The following NFKB1 variants were observed in gnomAD, a reference collection of about 807,000 sequenced individuals.
NFKB1 encodes nuclear factor kappa B subunit 1, also known as nuclear factor NF-kappa-B p105 subunit.
Under a neutral mutation model 105.1 loss-of-function variants are expected in NFKB1, and 9 were observed. The ratio of observed to expected loss-of-function variants is 0.09; its 90% CI spans 0.05 to 0.15. The LOEUF (loss-of-function observed/expected upper bound fraction) is 0.15, where lower values mean the gene tolerates loss of function less well. NFKB1 is among the 10% of genes least tolerant of loss of function. The pLI, the probability that NFKB1 is intolerant of heterozygous loss-of-function variation, is 1.00. For synonymous variants in NFKB1, 440 were observed against 442.2 expected (o/e 1.00, Z 0.06); for missense variants, 830 against 1,203.7 (o/e 0.69, Z 4.59).
intron 5 of NFKB1, among the ~76,000 whole-genome samples, chr4:102,548,361 G>A (rs1722298938): frequency 2.6e-5 from 4 of 152,102 alleles, no homozygotes. Context: ...ATATGTAGCT[G>A]GCCCATGGGG....
chr4:102,584,829 GT>G lies in NFKB1; in HGVS notation c.1066+11del. On this transcript the variant is annotated intron_variant, in intron 11 of 23. Transcript: ENST00000226574. ...CTATCCTGAAATCAAAGGTAAGTCA[GT>G]TGTTTAAAATCTTATGCTCATATTT... 1 of 1,586,298 alleles carries G rather than the reference GT, an allele frequency of 6.3e-7. No homozygotes were observed. The highest frequency in any genetic ancestry group is 8.5e-7 in the Non-Finnish European group (1 of 1,171,506).
intron 5 of NFKB1, among the ~76,000 whole-genome samples, chr4:102,551,366 G>GCGCGCA (rs1553931271): frequency 4.6e-5 from 2 of 43,284 alleles, no homozygotes; most frequent in South Asian, 8.8e-4. Context: ...GTGTGTGTGT[G>GCGCGCA]TGCGCGCGCG....
At position 102,607,133 on chromosome 4, in the gene NFKB1, C is replaced by T; in HGVS notation, c.1955-17C>T. 6.2e-7 allele frequency: 1 copy of T among 1,614,048 alleles called. No individual in the cohort carries two copies. Among genetic ancestry groups the T allele is most frequent in the Non-Finnish European group, 8.5e-7 (1 of 1,179,942 alleles). ...TAGCCATCCCATCCTGTGACTGTCC[C>T]TTTGCTTGGACTCTAGGTCTGAATG... On this transcript the variant is annotated splice_polypyrimidine_tract_variant and intron_variant, in intron 17 of 23. Transcript: ENST00000226574.
Position 102,593,547 on chromosome 4 carries a change from G to A in NFKB1, c.1189G>A (p.Gly397Ser). 6.2e-7 allele frequency: 1 copy of A among 1,613,582 alleles called. No homozygotes were observed. The highest frequency in any genetic ancestry group is 8.5e-7 in the Non-Finnish European group (1 of 1,179,652). ...GMFGSGGGGG[G>S]TGSTGPGYSF... is the part of the protein sequence containing the mutation. ...GTTTGGTAGTGGCGGTGGAGGAGGG[G>A]GCACTGGAAGTACAGGTCCAGGTAC... The change falls in exon 12 of 24, where the codon GGC becomes AGC. Residue 397 changes from glycine (G) to serine (S), a missense_variant. Physicochemically the swap from Gly to Ser is moderately conservative, Grantham distance 56. Transcript: ENST00000226574.
chr4:102,600,747 C>G (rs186796230), intron 15 of NFKB1, 148 bp from the exon 16 acceptor site: 11 of 633,208 alleles, frequency 1.7e-5, no homozygotes, highest in Middle Eastern at 4.2e-4. Context: ...ACCTCAGATT[C>G]AATGCATTTT....
intron 12 of NFKB1, 35 bp downstream of exon 12, chr4:102,593,603 A>T: frequency 1.3e-6 from 2 of 1,588,526 alleles, no homozygotes; most frequent in Non-Finnish European, 1.7e-6. Context: ...AAACTTTTTC[A>T]TATTGGAGAG....
At chr4:102,610,744 A>G (rs1414306365) in intron 20 of NFKB1, 45 bp downstream of exon 20, 1 of 1,607,486 alleles carries the variant, frequency 6.2e-7, no homozygotes. Flanking sequence ...TGAGGGAGTC[A>G]GAGGTTCAGG....
chr4:102,556,207 A>G (rs1722977420), intron 5 of NFKB1, among the ~76,000 whole-genome samples: 1 of 152,116 alleles, frequency 6.6e-6, no homozygotes, highest in South Asian at 2.1e-4. Flanking sequence ...AAGAAAGGTG[A>G]TTAGTTCAGT....
chr4:102,516,830 T>C (rs1363099162), intron 1 of NFKB1, among the ~76,000 whole-genome samples: 2 of 152,218 alleles, frequency 1.3e-5, no homozygotes, highest in Non-Finnish European at 1.5e-5. Flanking sequence ...GCAGTGAATT[T>C]ACTGGTGGAT....
At chr4:102,515,352 C>T (rs975059665) in intron 1 of NFKB1, among the ~76,000 whole-genome samples, 34 of 151,598 alleles carry the variant, frequency 2.2e-4, no homozygotes, top group Admixed American at 1.0e-3. Context: ...CCTCGTGATC[C>T]GCCCGCCTCG....
At chr4:102,517,600 C>T (rs928852493) in intron 1 of NFKB1, among the ~76,000 whole-genome samples, 6 of 152,130 alleles carry the variant, frequency 3.9e-5, no homozygotes, top group African/African-American at 1.4e-4. Flanking sequence ...TGCAGTAAAA[C>T]TATGCTGTCT....
At chr4:102,582,460 A>G (rs1022687519) in intron 9 of NFKB1, among the ~76,000 whole-genome samples, 1 of 152,234 alleles carries the variant, frequency 6.6e-6, no homozygotes, top group Non-Finnish European at 1.5e-5. Context: ...AGCATCTGCC[A>G]TACATTAATA....
chr4:102,516,237 T>G (rs900777248), intron 1 of NFKB1, among the ~76,000 whole-genome samples: 6 of 152,120 alleles, frequency 3.9e-5, no homozygotes, highest in African/African-American at 1.4e-4. Flanking sequence ...AACCATGGTT[T>G]TATTTGTCTT....
intron 11 of NFKB1, among the ~76,000 whole-genome samples, chr4:102,588,615 A>G (rs891754547): frequency 6.6e-6 from 1 of 152,316 alleles, no homozygotes; most frequent in African/African-American, 2.4e-5. Flanking sequence ...TTTAAGGCAC[A>G]TGCACAGAAA....
chr4:102,537,444 G>A (rs953718599), intron 4 of NFKB1: 18 of 154,066 alleles, frequency 1.2e-4, no homozygotes, highest in Non-Finnish European at 2.2e-4. Flanking sequence ...ATAAAGGAAT[G>A]TCTTTAAGTA....
At chr4:102,517,003 T>C (rs1740232372) in intron 1 of NFKB1, among the ~76,000 whole-genome samples, 1 of 152,202 alleles carries the variant, frequency 6.6e-6, no homozygotes, top group Non-Finnish European at 1.5e-5. Context: ...CACTATATGA[T>C]GTCCGGAATT....
chr4:102,606,410 C>A, intron 16 of NFKB1, 86 bp from the exon 17 acceptor site: 1 of 1,259,270 alleles, frequency 7.9e-7, no homozygotes, highest in Non-Finnish European at 1.2e-6. Context: ...TATGGCCCCA[C>A]CTATTGCAGT....
chr4:102,566,027 C>G (rs574063333), intron 5 of NFKB1, among the ~76,000 whole-genome samples: 1 of 152,196 alleles, frequency 6.6e-6, no homozygotes, highest in East Asian at 1.9e-4. Flanking sequence ...AGGGCTCTGA[C>G]TTGATAGGAT....
At chr4:102,587,333 T>A (rs906044254) in intron 11 of NFKB1, among the ~76,000 whole-genome samples, 2 of 152,134 alleles carry the variant, frequency 1.3e-5, no homozygotes, top group Non-Finnish European at 2.9e-5. Context: ...AGGAAAAAAA[T>A]AGATTTCTTC....
Sources: gnomAD v4.1 joint callset for allele counts (sites outside exome capture counted in the v4.1 genomes callset) on GRCh38, gnomAD v4.1.1 for gene constraint, MANE v1.5 for transcripts, NCBI Gene and HGNC (gene_info 2026-07-23, HGNC 2026-07-21) for gene names.